VAC14: variants seen among roughly 807,000 people sequenced by gnomAD.
VAC14 encodes VAC14 component of PIKFYVE complex, also known as protein VAC14 homolog.
VAC14 carries 47 observed loss-of-function variants against 85.3 expected under a neutral mutation model. The observed-to-expected ratio is 0.55, with a 90% CI of 0.44 to 0.70. VAC14 has a LOEUF of 0.70. VAC14 is among the 30% of genes least tolerant of loss of function. The pLI is 0.00. For synonymous variants in VAC14, 447 were observed against 430.5 expected (o/e 1.04, Z -0.47); for missense variants, 861 against 1,004.3 (o/e 0.86, Z 1.93).
rs752522511 is a variant in VAC14, at chr16:70,783,504, C to T, written c.645G>A (p.Pro215=). The T allele has an allele frequency of 5.9e-5, 95 of 1,613,948 alleles. No homozygotes were observed. Among genetic ancestry groups the T allele is most frequent in the Middle Eastern group, 1.6e-4 (1 of 6,084 alleles). ...VPDINLLDYL[P]EILDGLFQIL... The stretch of plus-strand genomic sequence containing the variant: ...TCTGGAAGAGTCCATCCAGGATCTC[C>T]GGCAGGTAATCCAGCAGGTTAATGT... The change falls in exon 6 of 19, where the codon CCG becomes CCA. Residue 215 remains proline, a synonymous_variant. Coordinates refer to ENST00000261776, the MANE Select transcript of VAC14 (RefSeq NM_018052.5).
chr16:70,750,348 T>G (rs961220831), intron 12 of VAC14, among the ~76,000 whole-genome samples: 2 of 152,036 alleles, frequency 1.3e-5, no homozygotes, highest in African/African-American at 4.8e-5. Context: ...TGCTTTCTTT[T>G]TGTGTGAGAG....
At chr16:70,785,624 G>C in intron 3 of VAC14, 78 bp downstream of exon 3, 1 of 1,459,612 alleles carries the variant, frequency 6.9e-7, no homozygotes, top group Non-Finnish European at 9.1e-7. Flanking sequence ...CTGGGAAAAG[G>C]GGTCCAAGGT....
intron 14 of VAC14, chr16:70,699,508 G>C (rs1316830597): frequency 1.3e-5 from 2 of 152,274 alleles, no homozygotes; most frequent in African/African-American, 4.8e-5. Flanking sequence ...CTCTTGTCTA[G>C]TTAAGAGTCG....
In VAC14 at chr16:70,762,858, G is replaced by C; in HGVS notation, c.1305+23C>G. 1 of 1,614,094 alleles carries C rather than the reference G, an allele frequency of 6.2e-7. No homozygotes were observed. The highest frequency in any genetic ancestry group is 1.1e-5 in the South Asian group (1 of 91,058). On this transcript the variant is annotated intron_variant, in intron 11 of 18. Transcript: ENST00000261776. This position sits in a 1 kb window ranked among gnomAD's most constrained non-coding sequence, Gnocchi z 4.1. ...AAGGCGGACCCAGAAGAGGCCCCTG[G>C]CTTGGAGGGGCCCAGGGCTCACCTT...
chr16:70,789,704 A>G (rs1400129460), intron 1 of VAC14, among the ~76,000 whole-genome samples: 1 of 152,226 alleles, frequency 6.6e-6, no homozygotes, highest in African/African-American at 2.4e-5. Context: ...GCCTTTGATG[A>G]AAACACTTAT....
intron 18 of VAC14, chr16:70,689,944 CT>C: frequency 2.0e-6 from 2 of 985,530 alleles, no homozygotes; most frequent in South Asian, 9.4e-5. Context: ...CTCTAACCCA[CT>C]TAGGCCAAGG....
intron 12 of VAC14, among the ~76,000 whole-genome samples, chr16:70,748,159 C>T: frequency 6.6e-6 from 1 of 152,252 alleles, no homozygotes; most frequent in Non-Finnish European, 1.5e-5. Context: ...GATAACACTA[C>T]ACAGGGTGCT....
At chr16:70,781,437 G>A (rs1182143862) in intron 8 of VAC14, among the ~76,000 whole-genome samples, 1 of 152,204 alleles carries the variant, frequency 6.6e-6, no homozygotes, top group African/African-American at 2.4e-5. Context: ...TCCTAGTCTG[G>A]AGCTCAGTCG....
chr16:70,696,850 C>T (rs550378450), intron 16 of VAC14: 19 of 363,594 alleles, frequency 5.2e-5, no homozygotes, highest in Non-Finnish European at 7.9e-5. Flanking sequence ...CAGCATCACC[C>T]GCTGGCACCT....
chr16:70,716,721 G>A (rs904724763), intron 14 of VAC14: 2 of 152,212 alleles, frequency 1.3e-5, no homozygotes, highest in Admixed American at 6.5e-5. Context: ...CTGGGCCTGC[G>A]TCCCAATTCC....
intron 14 of VAC14, among the ~76,000 whole-genome samples, chr16:70,728,174 C>T (rs1377549541): frequency 6.6e-6 from 1 of 152,130 alleles, no homozygotes; most frequent in Non-Finnish European, 1.5e-5. Context: ...CCCAGTGTGG[C>T]CCATGGCAGG....
At chr16:70,761,868 C>G (rs1018349673) in intron 12 of VAC14, among the ~76,000 whole-genome samples, 2 of 152,220 alleles carry the variant, frequency 1.3e-5, no homozygotes, top group African/African-American at 4.8e-5. Flanking sequence ...GGGCCCGGCC[C>G]AGTGCTTAGC....
rs148552131 is a variant in VAC14 at position 70,748,605 on chromosome 16, T to C, written c.1372-4026A>G. Among the ~76,000 whole-genome samples the C allele has an allele frequency of 5.6e-3, 856 of 152,342 alleles. 6 individuals carry two copies. The highest frequency in any genetic ancestry group is 0.019 in the African/African-American group (784 of 41,580). ...GGGAATGGGGCCAGAGGTGAGGGTATGGCCAGAAATCAGGCCAAAGTGGTA... is the reference window on the plus strand; with the variant it reads ...GGGAATGGGGCCAGAGGTGAGGGTACGGCCAGAAATCAGGCCAAAGTGGTA... On this transcript the variant is annotated intron_variant, in intron 12 of 18. Transcript: ENST00000261776.
chr16:70,730,318 C>T (rs1240783094), intron 14 of VAC14, among the ~76,000 whole-genome samples: 5 of 152,078 alleles, frequency 3.3e-5, no homozygotes, highest in Non-Finnish European at 7.4e-5. Context: ...TGCTCAAGCC[C>T]TGTCAGTGCC....
rs890494049 is a variant in VAC14, at chr16:70,782,136, T to C, written c.812-133A>G. On this transcript the variant is annotated intron_variant, in intron 7 of 18. Transcript: ENST00000261776. ...GCCTGACGGCTTCCAGCCTCACCAA[T>C]GCTCTACTACCTGTGTGCTTTGCCT... 7 of 1,247,520 alleles carry C rather than the reference T, an allele frequency of 5.6e-6. No individual in the cohort carries two copies. In the African/African-American group the frequency reaches 7.6e-5, roughly 13 times the overall value. The allele number at this position is 1,247,520 out of a possible 1,614,324, so 77.3% of individuals were successfully genotyped here.
chr16:70,729,792 C>T (rs1002407214), intron 14 of VAC14, among the ~76,000 whole-genome samples: 6 of 152,008 alleles, frequency 3.9e-5, no homozygotes, highest in Non-Finnish European at 8.8e-5. Context: ...CTAGAATGGT[C>T]CCTTGCACAG....
chr16:70,692,666 G>C (rs2142985338), intron 18 of VAC14, among the ~76,000 whole-genome samples, 155 bp downstream of exon 18: 1 of 149,438 alleles, frequency 6.7e-6, no homozygotes, highest in African/African-American at 2.5e-5. Context: ...AGGGGCAAGT[G>C]GCTGCGGGGG....
intron 14 of VAC14, among the ~76,000 whole-genome samples, chr16:70,726,448 A>C (rs1010551836): frequency 6.6e-6 from 1 of 152,214 alleles, no homozygotes; most frequent in Non-Finnish European, 1.5e-5. Flanking sequence ...CCCTGTGGGG[A>C]GGCTGAACAA....
chr16:70,713,465 C>G (rs530680631), intron 14 of VAC14, among the ~76,000 whole-genome samples: 2 of 152,192 alleles, frequency 1.3e-5, no homozygotes, highest in African/African-American at 2.4e-5. Context: ...CAAAGGGTTT[C>G]GGGCTGCCTT....
Sources: gnomAD v4.1 joint callset for allele counts (sites outside exome capture counted in the v4.1 genomes callset) on GRCh38, gnomAD v4.1.1 for gene constraint, Gnocchi (gnomAD v3.1) non-coding constraint, MANE v1.5 for transcripts, NCBI Gene and HGNC (gene_info 2026-07-23, HGNC 2026-07-21) for gene names.